ADGRV1: variants seen among roughly 807,000 people sequenced by gnomAD.
ADGRV1 encodes the protein G-protein coupled receptor 98.
In ADGRV1, 359 loss-of-function variants were observed where a neutral mutation model predicts 596.2. The observed-to-expected ratio is 0.60, with a 90% CI of 0.55 to 0.66. The LOEUF (loss-of-function observed/expected upper bound fraction) is 0.66. Ranked by LOEUF, ADGRV1 falls within the 30% of genes least tolerant of loss-of-function variation. The pLI, the probability that ADGRV1 is intolerant of heterozygous loss-of-function variation, is 0.00. For missense variants in ADGRV1, 7,274 were observed against 7,575.6 expected (o/e 0.96, Z 1.48); for synonymous variants, 2,681 against 2,679.2 (o/e 1.00, Z -0.02).
intron 85 of ADGRV1, among the ~76,000 whole-genome samples, chr5:91,006,648 C>T (rs1489421544): frequency 6.6e-6 from 1 of 152,148 alleles, no homozygotes; most frequent in African/African-American, 2.4e-5. Context: ...AGTATTGCTA[C>T]AGATTATTCA....
In ADGRV1 at chr5:90,720,961, C is replaced by T. The variant is rs114137750; in HGVS notation, c.9650C>T (p.Ala3217Val). The T allele has an allele frequency of 0.011, 17,159 of 1,610,820 alleles. 126 individuals are homozygous for T. The highest frequency in any genetic ancestry group is 0.012 in the Non-Finnish European group (14,473 of 1,177,954). The change falls in exon 45 of 90, where the codon GCC (alanine) becomes GTC (valine). Residue 3217 changes from alanine to valine, a missense_variant. This residue lies in a region of ADGRV1 where 3,643 missense variants were observed against 3,809.2 expected (regional missense o/e 0.96). Coordinates refer to ENST00000405460, the MANE Select transcript of ADGRV1 (RefSeq NM_032119.4). Reference sequence around the variant, plus strand: ...GCCACCTCCATAGACATCGAAGAAGCCAATAGGACCGTGTATTTAAATGTA... The same window carrying T: ...GCCACCTCCATAGACATCGAAGAAGTCAATAGGACCGTGTATTTAAATGTA... ...NRATSIDIEE[A>V]NRTVYLNVSR...
intron 85 of ADGRV1, among the ~76,000 whole-genome samples, chr5:91,006,694 GT>G (rs1279293689): frequency 6.6e-6 from 1 of 152,050 alleles, no homozygotes; most frequent in Non-Finnish European, 1.5e-5. Context: ...TCTACTTCAT[GT>G]GATTTTTTAA....
chr5:90,658,397 A>G lies in ADGRV1; in HGVS notation c.4752+119A>G, dbSNP rs1365859266. ...GCGCATCTACTCCAAGTCCAGAAGT[A>G]TGCTAGGGCCAGTGATTGCAAATAT... On this transcript the variant is annotated intron_variant, in intron 21 of 89. Transcript: ENST00000405460. The G allele has an allele frequency of 1.3e-5, 11 of 828,892 alleles. No homozygotes were observed. In the South Asian group the frequency reaches 2.6e-4, roughly 20 times the overall value. The allele number at this position is 828,892 out of a possible 1,614,324, so 51.3% of individuals were successfully genotyped here. A position where few individuals can be genotyped will look rare whatever the true frequency, so the allele number is the denominator to read the frequency against.
At chr5:91,156,297 A>G (rs569297921) in intron 89 of ADGRV1, among the ~76,000 whole-genome samples, 2 of 152,344 alleles carry the variant, frequency 1.3e-5, no homozygotes, top group Non-Finnish European at 1.5e-5. Flanking sequence ...GGAAACAGGA[A>G]TGTTATAGAT....
chr5:90,929,135 C>T (rs1007698133), intron 83 of ADGRV1: 2 of 152,364 alleles, frequency 1.3e-5, no homozygotes, highest in African/African-American at 4.8e-5. Flanking sequence ...GCAGGCAGGC[C>T]TCCTTGAGCT....
chr5:91,093,988 A>G (rs949821406), intron 86 of ADGRV1, among the ~76,000 whole-genome samples: 4 of 151,060 alleles, frequency 2.6e-5, no homozygotes, highest in Non-Finnish European at 5.9e-5. Context: ...AGTAGCTGGG[A>G]TTACAGGCAT....
chr5:91,101,804 C>T (rs745582188), intron 86 of ADGRV1, among the ~76,000 whole-genome samples: 21 of 151,950 alleles, frequency 1.4e-4, no homozygotes, highest in Non-Finnish European at 2.2e-4. Context: ...CACACACACA[C>T]GCACACACGC....
At position 90,776,584 on chromosome 5, in the gene ADGRV1, C is replaced by T. The variant is rs764045589; in HGVS notation, c.12527+8C>T. On this transcript the variant is annotated splice_region_variant and intron_variant, in intron 61 of 89. Transcript: ENST00000405460. ...TGGTACCGCTATTATCAGGTAAGGACTTCATGATTTTTCTTTGCCTATATG... is the reference window on the plus strand; with the variant it reads ...TGGTACCGCTATTATCAGGTAAGGATTTCATGATTTTTCTTTGCCTATATG... The T allele has an allele frequency of 1.2e-6, 2 of 1,613,042 alleles. No individual in the cohort carries two copies. Among genetic ancestry groups the T allele is most frequent in the East Asian group, 4.5e-5 (2 of 44,848 alleles).
At chr5:90,875,726 C>A (rs921762018) in intron 83 of ADGRV1, among the ~76,000 whole-genome samples, 3 of 152,138 alleles carry the variant, frequency 2.0e-5, no homozygotes, top group African/African-American at 7.2e-5. Context: ...GCTCTTCAAG[C>A]AGCTTTAGTA....
At chr5:90,852,001 G>A (rs889857198) in intron 79 of ADGRV1, among the ~76,000 whole-genome samples, 2 of 152,134 alleles carry the variant, frequency 1.3e-5, no homozygotes, top group South Asian at 2.1e-4. Flanking sequence ...CACCTTTTAG[G>A]CTGAGAGTCA....
intron 70 of ADGRV1, among the ~76,000 whole-genome samples, chr5:90,793,755 A>G (rs1325071732): frequency 6.6e-6 from 1 of 152,182 alleles, no homozygotes; most frequent in African/African-American, 2.4e-5. Context: ...ACCCATTTTA[A>G]TTATTTTTAT....
At position 90,840,985 on chromosome 5, in the gene ADGRV1, G is replaced by T; in HGVS notation, c.17019G>T (p.Lys5673Asn). The T allele has an allele frequency of 7.2e-7, 1 of 1,379,872 alleles. No individual in the cohort carries two copies. Among genetic ancestry groups the T allele is most frequent in the East Asian group, 2.5e-5 (1 of 39,916 alleles). The allele number at this position is 1,379,872 out of a possible 1,614,324, so 85.5% of individuals were successfully genotyped here. ...GTGCCATGATGCATTTAATAGAAAA[G>T]GTAAGTTTTTGTGAATATTAGTAAT... The part of the protein sequence containing the change: ...QLSAMMHLIE[K>N]ITTEGKIQAF... The change falls in exon 78 of 90, where the codon AAG becomes AAT. Residue 5673 changes from lysine to asparagine, a missense_variant and splice_region_variant. Around this residue, in one of 5 missense-constraint regions of ADGRV1, gnomAD observed 1,874 missense variants for 1,970.2 expected, o/e 0.95. Coordinates refer to ENST00000405460, the MANE Select transcript of ADGRV1 (RefSeq NM_032119.4).
At chr5:90,621,688 T>C (rs920029938) in intron 4 of ADGRV1, among the ~76,000 whole-genome samples, 3 of 152,164 alleles carry the variant, frequency 2.0e-5, no homozygotes, top group African/African-American at 7.2e-5. Flanking sequence ...GGTCCCTGAC[T>C]GGTGGGGGTC....
chr5:90,576,908 G>C (rs896583480), intron 1 of ADGRV1, among the ~76,000 whole-genome samples: 29 of 152,294 alleles, frequency 1.9e-4, no homozygotes, highest in African/African-American at 6.3e-4. Flanking sequence ...CTGCATCAGT[G>C]ACTTCTTTTG....
intron 85 of ADGRV1, among the ~76,000 whole-genome samples, chr5:90,987,132 T>C (rs1169683996): frequency 6.6e-6 from 1 of 152,180 alleles, no homozygotes; most frequent in Admixed American, 6.5e-5. Flanking sequence ...AACTAAATTA[T>C]AATAAGTGAA....
intron 1 of ADGRV1, among the ~76,000 whole-genome samples, chr5:90,600,261 C>T (rs998021193): frequency 3.3e-5 from 5 of 152,236 alleles, no homozygotes; most frequent in South Asian, 4.1e-4. Context: ...CCCATTAACT[C>T]GTCATTTACA....
rs140367781 is a variant in ADGRV1, at chr5:90,610,329, C to T, written c.23-4506C>T. On this transcript the variant is annotated intron_variant, in intron 1 of 89. Transcript: ENST00000405460. ...TTTTTAAACAGGAACAATAAAGCAT[C>T]GTGGGAAACAGCAATAGGAATAAAT... 2.7e-4 allele frequency among the ~76,000 whole-genome samples: 41 copies of T among 151,952 alleles called. No individual in the cohort carries two copies. The East Asian group carries it at 6.6e-3, about 24-fold the overall frequency.
intron 50 of ADGRV1, among the ~76,000 whole-genome samples, chr5:90,730,865 G>A (rs1366618164): frequency 6.6e-6 from 1 of 152,162 alleles, no homozygotes; most frequent in African/African-American, 2.4e-5. Context: ...CTCCACAGGT[G>A]ACTCTGGATG....
intron 4 of ADGRV1, among the ~76,000 whole-genome samples, chr5:90,621,497 T>C (rs1177062029): frequency 6.6e-6 from 1 of 152,218 alleles, no homozygotes; most frequent in African/African-American, 2.4e-5. Context: ...TAAAGAATTG[T>C]TAATGATGAA....
Sources: gnomAD v4.1 joint callset for allele counts (sites outside exome capture counted in the v4.1 genomes callset) on GRCh38, gnomAD v4.1.1 for gene constraint, gnomAD v4.1.1 regional missense constraint, MANE v1.5 for transcripts, NCBI Gene and HGNC (gene_info 2026-07-23, HGNC 2026-07-21) for gene names.